BMP3: variants seen among roughly 807,000 people sequenced by gnomAD.
The protein encoded by BMP3 is bone morphogenetic protein 3 (osteogenic).
In BMP3, 23 loss-of-function variants were observed where a neutral mutation model predicts 38.1. That is an observed-to-expected ratio of 0.60 (90% CI 0.43 to 0.86). BMP3 has a LOEUF of 0.86. BMP3 is among the 40% of genes least tolerant of loss of function. The probability of loss-of-function intolerance (pLI) is 0.00; values close to 1 mark genes in which losing one functional copy is unlikely to be tolerated. For synonymous variants in BMP3, 258 were observed against 225.7 expected, an observed-to-expected ratio of 1.14 and a Z score of -1.28; for missense variants, 628 against 579.6, an observed-to-expected ratio of 1.08 and a Z score of -0.86.
rs771702131 is a variant in BMP3, at chr4:81,045,984, C to A, written c.563C>A (p.Ala188Asp). 1 of 1,614,014 alleles carries A rather than the reference C, an allele frequency of 6.2e-7. No homozygotes were observed. The highest frequency in any genetic ancestry group is 8.5e-7 in the Non-Finnish European group (1 of 1,179,984). The change falls in exon 2 of 3, where the codon GCC becomes GAC. Residue 188 changes from alanine to aspartate, a missense_variant. Coordinates refer to ENST00000282701, the MANE Select transcript of BMP3 (RefSeq NM_001201.5). ...CTTGGCCATCTGTCAGTGGATATGG[C>A]CAAATCTCATCGAGATATTATGTCC... ...QLLGHLSVDMAKSHRDIMSWL... is the reference protein window; with the variant it reads ...QLLGHLSVDMDKSHRDIMSWL...
intron 1 of BMP3, among the ~76,000 whole-genome samples, chr4:81,041,534 G>A (rs142012135): frequency 3.2e-4 from 48 of 152,238 alleles, no homozygotes; most frequent in Non-Finnish European, 5.3e-4. Context: ...AATAACAAGA[G>A]CAAACACATC....
In BMP3 at chr4:81,046,308, C is replaced by T. The variant is rs1560512755; in HGVS notation, c.887C>T (p.Pro296Leu). 4 of 1,614,036 alleles carry T rather than the reference C, an allele frequency of 2.5e-6. No individual in the cohort carries two copies. In the East Asian group the frequency reaches 8.9e-5, roughly 36 times the overall value. Residue 296 changes from proline to leucine, a missense_variant, in exon 2 of 3, where the codon CCT (proline) becomes CTT (leucine). Physicochemically the swap from Pro to Leu is moderately conservative, Grantham distance 98. Transcript: ENST00000282701. ...AAGCGCTCTACTGGGGTCTTGCTGC[C>T]TCTGCAGAACAACGAGCTTCCTGGG... ...RKKRSTGVLL[P>L]LQNNELPGAE...
intron 1 of BMP3, among the ~76,000 whole-genome samples, chr4:81,043,530 T>C (rs1427027615): frequency 1.3e-5 from 2 of 152,214 alleles, no homozygotes; most frequent in African/African-American, 2.4e-5. Flanking sequence ...TTCAGATGTA[T>C]TATTTGAATA....
Position 81,032,194 on chromosome 4 carries a change from CAA to C in BMP3, c.316+619_316+620del, listed in dbSNP as rs5859748. ...ACTTTACTTGATAGTTCCTTAGTGG[CAA>C]AAAAAAAAAAAAAAAAAAAAAAAAC... On this transcript the variant is annotated intron_variant, in intron 1 of 2. Coordinates refer to ENST00000282701, the MANE Select transcript of BMP3 (RefSeq NM_001201.5). Among the ~76,000 whole-genome samples, 267 of 74,006 alleles carry C rather than the reference CAA, an allele frequency of 3.6e-3. 1 individual carries two copies. The highest frequency in any genetic ancestry group is 0.024 in the East Asian group (47 of 1,966). The allele number at this position is 74,006 out of a possible 152,430, so 48.6% of individuals were successfully genotyped here.
chr4:81,051,397 G>A (rs1364783503), intron 2 of BMP3, among the ~76,000 whole-genome samples: 1 of 152,132 alleles, frequency 6.6e-6, no homozygotes, highest in Non-Finnish European at 1.5e-5. Context: ...GCAATGCACA[G>A]GAGAATTTAG....
intron 2 of BMP3, among the ~76,000 whole-genome samples, chr4:81,050,483 G>A (rs1740375756): frequency 6.6e-6 from 1 of 151,380 alleles, no homozygotes; most frequent in African/African-American, 2.4e-5. Context: ...TTGAGCTGTT[G>A]TCACTGACAA....
rs1206706430 is a variant in BMP3 at position 81,054,995 on chromosome 4, G to A, written c.*1459G>A. On this transcript the variant is annotated 3_prime_UTR_variant, in exon 3 of 3. Transcript: ENST00000282701. ...TCTCTGCCTGTAGCTAATTATGGTGGTTCAGTCATTTAATAAATATGTTTT... is the reference window on the plus strand; with the variant it reads ...TCTCTGCCTGTAGCTAATTATGGTGATTCAGTCATTTAATAAATATGTTTT... 3.9e-5 allele frequency: 6 copies of A among 152,102 alleles called. No individual in the cohort carries two copies. The highest frequency in any genetic ancestry group is 1.3e-4 in the Admixed American group (2 of 15,262). The allele number at this position is 152,102 out of a possible 1,614,324, so 9.4% of individuals were successfully genotyped here. A position where few individuals can be genotyped will look rare whatever the true frequency, so the allele number is the denominator to read the frequency against.
intron 1 of BMP3, among the ~76,000 whole-genome samples, chr4:81,042,726 A>G (rs989664810): frequency 6.6e-6 from 1 of 152,230 alleles, no homozygotes; most frequent in Non-Finnish European, 1.5e-5. Context: ...ACTGCCACTC[A>G]TATCCCTTGG....
At chr4:81,031,743 C>A (rs1310148050) in intron 1 of BMP3, 143 bp downstream of exon 1, 1 of 1,050,622 alleles carries the variant, frequency 9.5e-7, no homozygotes. Context: ...CTCTGGATTC[C>A]TCCGTCCAGT....
At chr4:81,043,226 A>G (rs2109907139) in intron 1 of BMP3, among the ~76,000 whole-genome samples, 1 of 152,348 alleles carries the variant, frequency 6.6e-6, no homozygotes, top group African/African-American at 2.4e-5. Flanking sequence ...GGCTCTGGTG[A>G]CTGATCCCAG....
At chr4:81,041,443 C>T (rs1740073009) in intron 1 of BMP3, among the ~76,000 whole-genome samples, 1 of 152,112 alleles carries the variant, frequency 6.6e-6, no homozygotes, top group Admixed American at 6.6e-5. Flanking sequence ...ATAATTCTAG[C>T]TTATTGTTTT....
At chr4:81,033,726 G>A (rs1739839903) in intron 1 of BMP3, among the ~76,000 whole-genome samples, 1 of 152,152 alleles carries the variant, frequency 6.6e-6, no homozygotes, top group Non-Finnish European at 1.5e-5. Flanking sequence ...CAGGACTCTA[G>A]GAAGGTGCTA....
Position 81,045,897 on chromosome 4 carries a change from AAC to A in BMP3, c.480_481del (p.Ile161SerfsTer3). On this transcript the variant is annotated frameshift_variant, in exon 2 of 3. Transcript: ENST00000282701. LOFTEE classifies it high-confidence loss of function. ...GGATGCTCCCATCATGCTCAGAGGA[AAC>A]ACATTCAGATTGATCTTTCTGCATG... The A allele has an allele frequency of 6.2e-7, 1 of 1,614,118 alleles. No homozygotes were observed. Among genetic ancestry groups the A allele is most frequent in the Non-Finnish European group, 8.5e-7 (1 of 1,180,008 alleles).
rs1302077632 is a variant in BMP3, at chr4:81,031,403, G to A, written c.119G>A (p.Arg40His). 5 of 1,613,710 alleles carry A rather than the reference G, an allele frequency of 3.1e-6. No homozygotes were observed. The highest frequency in any genetic ancestry group is 2.2e-5 in the East Asian group (1 of 44,836). The change falls in exon 1 of 3, where the codon CGC becomes CAC. Residue 40 changes from arginine (R) to histidine (H), a missense_variant. Physicochemically the swap from Arg to His is conservative, Grantham distance 29 (BLOSUM62 0). Coordinates refer to ENST00000282701, the MANE Select transcript of BMP3 (RefSeq NM_001201.5). ...PELRKAVPGDRTAGGGPDSEL... is the reference protein window; with the variant it reads ...PELRKAVPGDHTAGGGPDSEL... The stretch of plus-strand genomic sequence containing the variant: ...CTCCGCAAAGCTGTGCCAGGTGACC[G>A]CACGGCAGGTGGTGGCCCGGACTCC...
intron 1 of BMP3, among the ~76,000 whole-genome samples, chr4:81,041,296 C>T (rs937473347): frequency 3.9e-5 from 6 of 152,172 alleles, no homozygotes; most frequent in Non-Finnish European, 7.4e-5. Flanking sequence ...TGTAAATGCT[C>T]AGCAACTATT....
At chr4:81,049,456 A>G (rs1403659456) in intron 2 of BMP3, among the ~76,000 whole-genome samples, 1 of 152,122 alleles carries the variant, frequency 6.6e-6, no homozygotes, top group Non-Finnish European at 1.5e-5. Flanking sequence ...CAAAACTTGG[A>G]AGGGCATCAG....
chr4:81,054,958 G>A lies in BMP3; in HGVS notation c.*1422G>A, dbSNP rs1477259612. The A allele has an allele frequency of 1.3e-5, 2 of 152,158 alleles. No homozygotes were observed. The highest frequency in any genetic ancestry group is 4.8e-5 in the African/African-American group (2 of 41,452). The allele number at this position is 152,158 out of a possible 1,614,324, so 9.4% of individuals were successfully genotyped here. ...AGGCTGTGCAGTATCAGAAGACGTG[G>A]AGTTTGTTCTGTCTCTGCCTGTAGC... On this transcript the variant is annotated 3_prime_UTR_variant, in exon 3 of 3. Transcript: ENST00000282701.
chr4:81,050,147 A>G (rs932368653), intron 2 of BMP3, among the ~76,000 whole-genome samples: 1 of 152,176 alleles, frequency 6.6e-6, no homozygotes, highest in East Asian at 1.9e-4. Context: ...TGTGGAGTAA[A>G]ACTCCATGGC....
intron 1 of BMP3, among the ~76,000 whole-genome samples, chr4:81,037,872 C>G (rs1199627114): frequency 6.6e-6 from 1 of 152,070 alleles, no homozygotes; most frequent in Non-Finnish European, 1.5e-5. Flanking sequence ...AGTTCGTGGA[C>G]TAGCTGCATC....
Sources: gnomAD v4.1 joint callset for allele counts (sites outside exome capture counted in the v4.1 genomes callset) on GRCh38, gnomAD v4.1.1 for gene constraint, MANE v1.5 for transcripts, NCBI Gene and HGNC (gene_info 2026-07-23, HGNC 2026-07-21) for gene names.